Variants in ADGRL2 observed in about 807,000 individuals in gnomAD.
ADGRL2 encodes the protein adhesion G protein-coupled receptor L2, also known as calcium-independent alpha-latrotoxin receptor 2.
A neutral mutation model predicts 157.4 loss-of-function variants in ADGRL2; 44 were observed. The observed-to-expected ratio is 0.28, with a 90% CI of 0.22 to 0.36. The LOEUF (loss-of-function observed/expected upper bound fraction) is 0.36. ADGRL2 is among the 10% of genes least tolerant of loss of function. ADGRL2 has a pLI of 1.00. For missense variants in ADGRL2, 1,510 were observed against 1,768.9 expected (o/e 0.85, Z 2.63); for synonymous variants, 585 against 624.7 (o/e 0.94, Z 0.95).
At chr1:81,419,016 A>G (rs968146412) in intron 1 of ADGRL2, among the ~76,000 whole-genome samples, 1 of 152,156 alleles carries the variant, frequency 6.6e-6, no homozygotes, top group African/African-American at 2.4e-5. Context: ...TGAGGAGGCT[A>G]AGAATCCAGG....
intron 1 of ADGRL2, among the ~76,000 whole-genome samples, chr1:81,338,406 CT>C (rs1661811272): frequency 1.0e-5 from 1 of 100,092 alleles, no homozygotes; most frequent in Non-Finnish European, 2.3e-5. Context: ...CAAAAAACTA[CT>C]CTTAATATAC....
chr1:81,426,660 AC>A, intron 1 of ADGRL2: 1 of 465,844 alleles, frequency 2.1e-6, no homozygotes, highest in South Asian at 1.6e-5. Context: ...GTAATGAGAC[AC>A]CCCCAAAGAA....
intron 2 of ADGRL2, among the ~76,000 whole-genome samples, chr1:81,877,700 G>A (rs2093877629): frequency 3.9e-5 from 1 of 25,972 alleles, no homozygotes; most frequent in Non-Finnish European, 6.6e-5. Context: ...TAAGAACCTT[G>A]CTTTGTTAAA....
chr1:81,980,333 C>G (rs1661296481), intron 18 of ADGRL2, among the ~76,000 whole-genome samples: 1 of 151,624 alleles, frequency 6.6e-6, no homozygotes, highest in Admixed American at 6.6e-5. Flanking sequence ...GTTTCCACTC[C>G]TAATCCTGTT....
chr1:81,805,147 TTTG>T (rs1372569995), intron 1 of ADGRL2, among the ~76,000 whole-genome samples: 2 of 152,126 alleles, frequency 1.3e-5, no homozygotes, highest in African/African-American at 4.8e-5. Context: ...ATATAGTTTA[TTTG>T]TTCTTGCTTT....
At chr1:81,986,514 T>C (rs1663199488) in intron 21 of ADGRL2, among the ~76,000 whole-genome samples, 1 of 152,114 alleles carries the variant, frequency 6.6e-6, no homozygotes, top group African/African-American at 2.4e-5. Context: ...TTCTGAAAGT[T>C]TGAGATTCCC....
At chr1:81,500,860 A>G (rs2078830766) in intron 2 of ADGRL2, among the ~76,000 whole-genome samples, 2 of 152,238 alleles carry the variant, frequency 1.3e-5, no homozygotes, top group Admixed American at 6.5e-5. Flanking sequence ...AAAAAGATAA[A>G]CCAAATTTCT....
intron 2 of ADGRL2, among the ~76,000 whole-genome samples, chr1:81,888,742 G>T (rs541811266): frequency 6.6e-6 from 1 of 152,200 alleles, no homozygotes; most frequent in African/African-American, 2.4e-5. Context: ...GTGAACCACT[G>T]CGCCCGGCCT....
At chr1:81,733,350 G>C (rs188462266) in intron 1 of ADGRL2, among the ~76,000 whole-genome samples, 18 of 152,290 alleles carry the variant, frequency 1.2e-4, no homozygotes, top group African/African-American at 4.1e-4. Context: ...AATCTCTCAC[G>C]GTTCTGGAGG....
intron 3 of ADGRL2, among the ~76,000 whole-genome samples, chr1:81,591,747 A>C (rs1198113014): frequency 1.3e-5 from 2 of 152,176 alleles, no homozygotes. Flanking sequence ...GGCTTTGATC[A>C]ATTAATCTGC....
chr1:81,989,985 C>A, intron 23 of ADGRL2: 1 of 984,136 alleles, frequency 1.0e-6, no homozygotes, highest in East Asian at 1.1e-4. Flanking sequence ...AGGACAAATT[C>A]TGTTAATTTT....
At chr1:81,822,899 G>A (rs2091125328) in intron 1 of ADGRL2, among the ~76,000 whole-genome samples, 2 of 152,016 alleles carry the variant, frequency 1.3e-5, no homozygotes, top group South Asian at 4.1e-4. Context: ...TTTATAATGA[G>A]GAGACTCTGG....
intron 11 of ADGRL2, among the ~76,000 whole-genome samples, chr1:81,962,172 A>G (rs1655644247): frequency 6.6e-6 from 1 of 152,154 alleles, no homozygotes; most frequent in Non-Finnish European, 1.5e-5. Context: ...CAGTAATACC[A>G]TTACTAGTTT....
chr1:81,952,234 C>T (rs926481217), intron 9 of ADGRL2, 92 bp downstream of exon 9: 25 of 1,042,268 alleles, frequency 2.4e-5, no homozygotes, highest in African/African-American at 8.2e-5. Context: ...TCTTTGGCCC[C>T]GGGACATATA....
At chr1:81,385,483 G>C (rs1318967491) in intron 1 of ADGRL2, among the ~76,000 whole-genome samples, 1 of 151,976 alleles carries the variant, frequency 6.6e-6, no homozygotes, top group Non-Finnish European at 1.5e-5. Context: ...AAGGAGAAAG[G>C]CAGATCATGT....
At chr1:81,577,982 T>C (rs1481731573) in intron 2 of ADGRL2, among the ~76,000 whole-genome samples, 1 of 152,194 alleles carries the variant, frequency 6.6e-6, no homozygotes, top group African/African-American at 2.4e-5. Flanking sequence ...CATTCTCTCT[T>C]CAAACCATAT....
intron 3 of ADGRL2, among the ~76,000 whole-genome samples, chr1:81,935,533 C>G (rs2095298223): frequency 6.6e-6 from 1 of 151,902 alleles, no homozygotes; most frequent in African/African-American, 2.4e-5. Flanking sequence ...GATTCACCTT[C>G]TACTGCCCTT....
chr1:81,885,476 T>C (rs2094107215), intron 2 of ADGRL2, among the ~76,000 whole-genome samples: 1 of 152,180 alleles, frequency 6.6e-6, no homozygotes, highest in Non-Finnish European at 1.5e-5. Context: ...TATCCAGGGC[T>C]TGACAAGAAT....
At chr1:81,351,736 T>C (rs779365921) in intron 1 of ADGRL2, among the ~76,000 whole-genome samples, 16 of 152,204 alleles carry the variant, frequency 1.1e-4, no homozygotes, top group Non-Finnish European at 1.6e-4. Flanking sequence ...TTTTAGTGCT[T>C]ACATTTTCTG....
Sources: gnomAD v4.1 joint callset for allele counts (sites outside exome capture counted in the v4.1 genomes callset) on GRCh38, gnomAD v4.1.1 for gene constraint, MANE v1.5 for transcripts, NCBI Gene and HGNC (gene_info 2026-07-23, HGNC 2026-07-21) for gene names.